Variants in MAST4 observed in about 807,000 individuals in gnomAD.
MAST4 encodes microtubule associated serine/threonine kinase family member 4.
MAST4 carries 89 observed loss-of-function variants against 162.7 expected under a neutral mutation model. The ratio of observed to expected loss-of-function variants is 0.55; its 90% CI spans 0.46 to 0.65. MAST4 has a LOEUF of 0.65. MAST4 is among the 30% of genes least tolerant of loss of function. The pLI is 0.00. For missense variants in MAST4, 3,153 were observed against 3,374.0 expected (o/e 0.93, Z 1.62); for synonymous variants, 1,479 against 1,361.1 (o/e 1.09, Z -1.91).
chr5:66,961,834 G>T (rs762469272), intron 4 of MAST4, among the ~76,000 whole-genome samples: 2 of 152,150 alleles, frequency 1.3e-5, no homozygotes, highest in African/African-American at 2.4e-5. Context: ...TTTCCAATGA[G>T]CTGCTAAGTT....
At chr5:66,732,713 T>C (rs964700491) in intron 1 of MAST4, among the ~76,000 whole-genome samples, 4 of 152,216 alleles carry the variant, frequency 2.6e-5, no homozygotes, top group African/African-American at 9.6e-5. Context: ...GTGTTGGGGA[T>C]TGGGGACAGA....
chr5:66,958,729 G>C (rs1382806686), intron 4 of MAST4: 1 of 154,094 alleles, frequency 6.5e-6, no homozygotes, highest in African/African-American at 2.4e-5. Context: ...GGGACTATGA[G>C]TGATTTAGTT....
At chr5:66,681,669 A>G (rs1332279860) in intron 1 of MAST4, among the ~76,000 whole-genome samples, 1 of 152,154 alleles carries the variant, frequency 6.6e-6, no homozygotes, top group East Asian at 1.9e-4. Flanking sequence ...TGCTTCTCAT[A>G]CAAAAAGGCA....
At chr5:66,835,440 G>T (rs1473804045) in intron 3 of MAST4, among the ~76,000 whole-genome samples, 2 of 151,902 alleles carry the variant, frequency 1.3e-5, no homozygotes, top group African/African-American at 2.4e-5. Context: ...CCCTTTTTAC[G>T]AGTAGTGTGG....
chr5:66,908,765 GCAAT>G (rs1180557281), intron 4 of MAST4, among the ~76,000 whole-genome samples: 2 of 152,238 alleles, frequency 1.3e-5, no homozygotes, highest in East Asian at 3.9e-4. Context: ...TAATCAATAG[GCAAT>G]CAATCACTGA....
intron 1 of MAST4, among the ~76,000 whole-genome samples, chr5:66,670,521 A>T (rs1747539537): frequency 6.6e-6 from 1 of 152,190 alleles, no homozygotes; most frequent in South Asian, 2.1e-4. Context: ...TATTTTGGAT[A>T]AAGTGTACCT....
In MAST4 at chr5:67,163,888, A is replaced by G. The variant is rs750165977; in HGVS notation, c.4709A>G (p.Glu1570Gly). 3.1e-5 allele frequency: 50 copies of G among 1,613,902 alleles called. No individual in the cohort carries two copies. The highest frequency in any genetic ancestry group is 3.6e-5 in the Non-Finnish European group (42 of 1,179,892). The change falls in exon 29 of 29, where the codon GAA (glutamate) becomes GGA (glycine). Residue 1570 changes from glutamate (E) to glycine (G), a missense_variant. Coordinates refer to ENST00000403625, the MANE Select transcript of MAST4 (RefSeq NM_001164664.2). This position sits in a 1 kb window ranked among gnomAD's most constrained non-coding sequence, Gnocchi z 7.0. ...DLENFALFKLEEREKKVYPKA... is the reference protein window; with the variant it reads ...DLENFALFKLGEREKKVYPKA... ...GAAAACTTTGCTCTGTTTAAGCTGG[A>G]AGAGAGAGAGAAGAAAGTCTATCCG...
At chr5:66,964,130 G>T (rs991968944) in intron 4 of MAST4, 1 of 479,676 alleles carries the variant, frequency 2.1e-6, no homozygotes, top group African/African-American at 2.0e-5. Context: ...TCCTATGAGA[G>T]TATTATAATA....
intron 1 of MAST4, among the ~76,000 whole-genome samples, chr5:66,669,803 A>G (rs1747494188): frequency 6.6e-6 from 1 of 152,056 alleles, no homozygotes; most frequent in South Asian, 2.1e-4. Context: ...TGGAGGAAGG[A>G]GTTTTGCTTT....
intron 14 of MAST4, among the ~76,000 whole-genome samples, chr5:67,126,209 A>C (rs1768211378): frequency 6.6e-6 from 1 of 152,116 alleles, no homozygotes; most frequent in Non-Finnish European, 1.5e-5. Context: ...GTTCACTCTC[A>C]TGATAGTTTC....
chr5:67,024,782 A>G (rs1333749798), intron 4 of MAST4, among the ~76,000 whole-genome samples: 2 of 152,084 alleles, frequency 1.3e-5, no homozygotes, highest in Non-Finnish European at 2.9e-5. Context: ...TGCCTCATTC[A>G]GTGCCTAGAA....
chr5:66,612,699 C>G (rs1482593100), intron 1 of MAST4, among the ~76,000 whole-genome samples: 1 of 152,126 alleles, frequency 6.6e-6, no homozygotes, highest in Non-Finnish European at 1.5e-5. Context: ...AGGGAACCAA[C>G]CTGATGGATT....
chr5:66,693,805 G>A (rs188125377), intron 1 of MAST4, among the ~76,000 whole-genome samples: 120 of 152,164 alleles, frequency 7.9e-4, no homozygotes, highest in Admixed American at 3.5e-3. Flanking sequence ...AAAACTGTAA[G>A]TGTACAAATG....
chr5:66,645,335 C>T (rs974821073), intron 1 of MAST4, among the ~76,000 whole-genome samples: 5 of 152,182 alleles, frequency 3.3e-5, no homozygotes, highest in Non-Finnish European at 7.3e-5. Context: ...AGACAGTTAT[C>T]TAAAACGTGG....
At chr5:66,614,824 C>T (rs62362270) in intron 1 of MAST4, among the ~76,000 whole-genome samples, 28,152 of 151,966 alleles carry the variant, frequency 0.19, 2,777 homozygotes, top group East Asian at 0.27. Context: ...ATAGTTCCCT[C>T]GTGTTGGGAG....
At chr5:66,762,527 A>T (rs1295123886) in intron 2 of MAST4, among the ~76,000 whole-genome samples, 1 of 152,196 alleles carries the variant, frequency 6.6e-6, no homozygotes, top group African/African-American at 2.4e-5. Context: ...ACTTGGTGTT[A>T]GGCACTGTGT....
intron 1 of MAST4, among the ~76,000 whole-genome samples, chr5:66,668,054 C>T (rs1428869809): frequency 6.6e-6 from 1 of 152,148 alleles, no homozygotes; most frequent in Non-Finnish European, 1.5e-5. Flanking sequence ...TGAGTTGTTT[C>T]ATGGCTTTGT....
chr5:67,125,971 T>C (rs896662625), intron 14 of MAST4, among the ~76,000 whole-genome samples: 3 of 152,226 alleles, frequency 2.0e-5, no homozygotes, highest in Non-Finnish European at 4.4e-5. Context: ...GGTATCTCAT[T>C]GTGCTTTTGA....
chr5:67,156,783 C>T (rs989974935), intron 26 of MAST4, among the ~76,000 whole-genome samples: 1 of 152,200 alleles, frequency 6.6e-6, no homozygotes, highest in Admixed American at 6.5e-5. Context: ...ATGGGCCCAT[C>T]TCCCATCTGT....
Sources: gnomAD v4.1 joint callset for allele counts (sites outside exome capture counted in the v4.1 genomes callset) on GRCh38, gnomAD v4.1.1 for gene constraint, Gnocchi (gnomAD v3.1) non-coding constraint, MANE v1.5 for transcripts, NCBI Gene and HGNC (gene_info 2026-07-23, HGNC 2026-07-21) for gene names.